The following SEMA3A variants were observed in gnomAD, a reference collection of about 807,000 sequenced individuals.
The protein encoded by SEMA3A is semaphorin-3A.
A neutral mutation model predicts 97.9 loss-of-function variants in SEMA3A; 29 were observed. That is an observed-to-expected ratio of 0.30 (90% CI 0.22 to 0.40). The LOEUF is 0.40. SEMA3A is among the 10% of genes least tolerant of loss of function. The pLI is 1.00. For synonymous variants in SEMA3A, 321 were observed against 323.7 expected, an observed-to-expected ratio of 0.99 and a Z score of 0.09; for missense variants, 763 against 951.3, an observed-to-expected ratio of 0.80 and a Z score of 2.60.
chr7:84,121,239 C>T (rs953250982), intron 3 of SEMA3A, among the ~76,000 whole-genome samples: 2 of 152,130 alleles, frequency 1.3e-5, no homozygotes, highest in East Asian at 1.9e-4. Context: ...ACTTTAAGTT[C>T]GAGGGTATAT....
chr7:84,116,159 A>C (rs948471646), intron 3 of SEMA3A, among the ~76,000 whole-genome samples: 2 of 152,248 alleles, frequency 1.3e-5, no homozygotes, highest in South Asian at 2.1e-4. Context: ...TTTTTGTTGG[A>C]GTCTTTAATG....
At chr7:84,310,881 AGGGTG>A (rs1801297050) in intron 2 of SEMA3A, among the ~76,000 whole-genome samples, 1 of 151,798 alleles carries the variant, frequency 6.6e-6, no homozygotes, top group East Asian at 1.9e-4. Flanking sequence ...CTCTCATGAG[AGGGTG>A]GGAAGATGAG....
intron 2 of SEMA3A, among the ~76,000 whole-genome samples, chr7:84,355,915 G>A (rs950156248): frequency 6.7e-6 from 1 of 149,832 alleles, no homozygotes; most frequent in Non-Finnish European, 1.5e-5. Context: ...GATCTGATGA[G>A]CCCGTGGCCT....
chr7:84,213,419 C>T (rs545169042), intron 3 of SEMA3A, among the ~76,000 whole-genome samples: 24 of 152,268 alleles, frequency 1.6e-4, no homozygotes, highest in Non-Finnish European at 2.9e-4. Flanking sequence ...TCTTGGACTA[C>T]AGGCATGTAC....
intron 3 of SEMA3A, among the ~76,000 whole-genome samples, chr7:84,113,827 A>G (rs1246985143): frequency 1.3e-5 from 2 of 152,088 alleles, no homozygotes; most frequent in Admixed American, 1.3e-4. Flanking sequence ...GCAGTTATAA[A>G]CCAGTAAAAT....
chr7:84,253,372 A>T (rs1330583775), intron 3 of SEMA3A, among the ~76,000 whole-genome samples: 1 of 152,152 alleles, frequency 6.6e-6, no homozygotes, highest in Non-Finnish European at 1.5e-5. Flanking sequence ...TCCAAAAAAA[A>T]AAAAATTGTG....
In SEMA3A at chr7:84,005,574, G is replaced by T. The variant is rs1790633151; in HGVS notation, c.1141-16C>A. ...TGCTGGGACACTATTAAGATAAAGAGAAAATTATCTTTTGATTAAAATCTA... is the reference window on the plus strand; with the variant it reads ...TGCTGGGACACTATTAAGATAAAGATAAAATTATCTTTTGATTAAAATCTA... On this transcript the variant is annotated splice_polypyrimidine_tract_variant and intron_variant, in intron 10 of 16. Transcript: ENST00000265362. 1 of 1,494,506 alleles carries T rather than the reference G, an allele frequency of 6.7e-7. No homozygotes were observed. The highest frequency in any genetic ancestry group is 9.3e-7 in the Non-Finnish European group (1 of 1,078,750). The allele number at this position is 1,494,506 out of a possible 1,614,324, so 92.6% of individuals were successfully genotyped here.
intron 3 of SEMA3A, among the ~76,000 whole-genome samples, chr7:84,272,515 G>A (rs1195327279): frequency 6.6e-6 from 1 of 151,968 alleles, no homozygotes; most frequent in Non-Finnish European, 1.5e-5. Context: ...TATGGCCAAA[G>A]GAACCTAGTT....
At chr7:84,072,334 G>A (rs1040644056) in intron 4 of SEMA3A, among the ~76,000 whole-genome samples, 1 of 151,794 alleles carries the variant, frequency 6.6e-6, no homozygotes, top group Non-Finnish European at 1.5e-5. Flanking sequence ...TTATTTCTTT[G>A]TGGAACATAA....
chr7:84,155,505 G>A (rs543325740), intron 1 of SEMA3A, among the ~76,000 whole-genome samples: 1 of 152,150 alleles, frequency 6.6e-6, no homozygotes, highest in East Asian at 1.9e-4. Flanking sequence ...TTCCACTTTA[G>A]GAATTTCTGT....
intron 4 of SEMA3A, among the ~76,000 whole-genome samples, chr7:84,061,467 A>T (rs1014553502): frequency 6.6e-6 from 1 of 152,184 alleles, no homozygotes; most frequent in African/African-American, 2.4e-5. Flanking sequence ...GCATTCTTTT[A>T]AGAACCAAGT....
intron 1 of SEMA3A, among the ~76,000 whole-genome samples, chr7:84,181,524 A>AT (rs1272912633): frequency 6.6e-6 from 1 of 152,102 alleles, no homozygotes; most frequent in East Asian, 1.9e-4. Context: ...AGCTACTTAC[A>AT]TTTTAACAAT....
chr7:84,143,949 TAACA>T (rs1479939118), intron 1 of SEMA3A, among the ~76,000 whole-genome samples: 607 of 40,314 alleles, frequency 0.015, 1 homozygote, highest in African/African-American at 0.031. Context: ...TCTCTCTCTC[TAACA>T]CACACACACA....
At chr7:84,147,028 CAT>C (rs1452096932) in intron 1 of SEMA3A, among the ~76,000 whole-genome samples, 1 of 152,182 alleles carries the variant, frequency 6.6e-6, no homozygotes, top group Non-Finnish European at 1.5e-5. Context: ...TAACACAGCA[CAT>C]GTTTCAGAGT....
intron 15 of SEMA3A, 26 bp from the exon 16 acceptor site, chr7:83,963,373 G>C (rs1788552956): frequency 6.3e-7 from 1 of 1,595,354 alleles, no homozygotes; most frequent in Non-Finnish European, 8.6e-7. Context: ...AAAATGCAAT[G>C]AGAAAATATT....
rs996066575 is a variant in SEMA3A, at chr7:84,479,444, T to C, written c.-246+13016A>G. Among the ~76,000 whole-genome samples the C allele has an allele frequency of 5.3e-5, 8 of 152,324 alleles. No individual in the cohort carries two copies. In the East Asian group the frequency reaches 1.5e-3, roughly 29 times the overall value. On this transcript the variant is annotated intron_variant, in intron 1 of 3. Coordinates refer to the SEMA3A transcript ENST00000424555. ...TCAAGAAGTACTTATTGAACACCTA[T>C]TTTGTCAAGGCTGTGTTGCACACAA...
chr7:84,326,050 G>A (rs1003515689), intron 2 of SEMA3A, among the ~76,000 whole-genome samples: 1 of 152,008 alleles, frequency 6.6e-6, no homozygotes, highest in Admixed American at 6.6e-5. Context: ...ATGTCTTTCA[G>A]GTTCATCCAT....
intron 3 of SEMA3A, among the ~76,000 whole-genome samples, chr7:84,226,035 A>G (rs1798983444): frequency 6.6e-6 from 1 of 152,146 alleles, no homozygotes; most frequent in Non-Finnish European, 1.5e-5. Context: ...CAATATGCAT[A>G]TTGCATATAT....
intron 1 of SEMA3A, among the ~76,000 whole-genome samples, chr7:84,446,752 T>C (rs926505301): frequency 1.3e-5 from 2 of 152,198 alleles, no homozygotes; most frequent in Non-Finnish European, 2.9e-5. Flanking sequence ...AAGGCTAAGA[T>C]ATCTGCTTGC....
Sources: allele counts gnomAD v4.1 joint callset (sites outside exome capture counted in the v4.1 genomes callset), GRCh38; gene constraint gnomAD v4.1.1; transcripts MANE v1.5; gene names NCBI Gene and HGNC (gene_info 2026-07-23, HGNC 2026-07-21).